PARP11: variants seen among roughly 807,000 people sequenced by gnomAD.
The protein encoded by PARP11 is protein mono-ADP-ribosyltransferase PARP11.
Under a neutral mutation model 42.9 loss-of-function variants are expected in PARP11, and 31 were observed. The ratio of observed to expected loss-of-function variants is 0.72; its 90% CI spans 0.54 to 0.98. The LOEUF (loss-of-function observed/expected upper bound fraction) is 0.98. Among genes scored for constraint, PARP11 ranks in the 50% least tolerant of loss-of-function variants. PARP11 has a pLI of 0.00. For synonymous variants in PARP11, 137 were observed against 127.3 expected (o/e 1.08, Z -0.51); for missense variants, 365 against 413.1 (o/e 0.88, Z 1.01).
At chr12:3,856,008 C>T (rs1229799798) in intron 1 of PARP11, among the ~76,000 whole-genome samples, 2 of 152,016 alleles carry the variant, frequency 1.3e-5, no homozygotes, top group African/African-American at 4.8e-5. Flanking sequence ...CTTTGACAAA[C>T]CTGACAAAAA....
chr12:3,836,024 T>TAC (rs773407266), intron 1 of PARP11, among the ~76,000 whole-genome samples: 9 of 151,600 alleles, frequency 5.9e-5, no homozygotes, highest in African/African-American at 1.2e-4. Flanking sequence ...TATATATATA[T>TAC]ACACACACAC....
At chr12:3,829,592 G>A (rs577292489) in intron 2 of PARP11, among the ~76,000 whole-genome samples, 1 of 152,278 alleles carries the variant, frequency 6.6e-6, no homozygotes, top group South Asian at 2.1e-4. Flanking sequence ...ATACGGATTT[G>A]TTCTTCCCTT....
At chr12:3,841,368 CA>C (rs774473886) in intron 1 of PARP11, 29 of 1,306,480 alleles carry the variant, frequency 2.2e-5, no homozygotes, top group Non-Finnish European at 3.0e-5. Flanking sequence ...TGGCAGCCTG[CA>C]GGATGTACCC....
intron 1 of PARP11, chr12:3,832,006 G>T: frequency 3.6e-6 from 1 of 274,642 alleles, no homozygotes; most frequent in Non-Finnish European, 5.5e-6. Flanking sequence ...AAAAATATTT[G>T]CCTTACGAGT....
At chr12:3,869,276 T>C (rs899478312) in intron 1 of PARP11, among the ~76,000 whole-genome samples, 5 of 152,230 alleles carry the variant, frequency 3.3e-5, no homozygotes, top group African/African-American at 9.7e-5. Flanking sequence ...TGGATATCTT[T>C]AGGAGGCCAT....
In PARP11 at chr12:3,873,268, G is replaced by A; in HGVS notation, c.-39C>T. On this transcript the variant is annotated 5_prime_UTR_variant, in exon 1 of 8. Coordinates refer to ENST00000228820, the MANE Select transcript of PARP11 (RefSeq NM_020367.6). Reference sequence around the variant, plus strand: ...TCGAGCGGAGAGAGCCTGTGGGAAGGGGCTAGCCGCGGGGCCTGGGTGTTG... The same window carrying A: ...TCGAGCGGAGAGAGCCTGTGGGAAGAGGCTAGCCGCGGGGCCTGGGTGTTG... 1 of 1,549,950 alleles carries A rather than the reference G, an allele frequency of 6.5e-7. No individual in the cohort carries two copies. The highest frequency in any genetic ancestry group is 8.7e-7 in the Non-Finnish European group (1 of 1,145,782).
intron 1 of PARP11, chr12:3,842,385 G>A (rs1431589412): frequency 6.2e-7 from 1 of 1,600,172 alleles, no homozygotes. Context: ...GAAGTGAGGA[G>A]TCCTGGAAAG....
At chr12:3,822,480 T>TC (rs1947418463) in intron 4 of PARP11, among the ~76,000 whole-genome samples, 1 of 146,074 alleles carries the variant, frequency 6.8e-6, no homozygotes. Flanking sequence ...GCGCCTGTAG[T>TC]CCCAGCTACT....
At chr12:3,858,015 G>A (rs1187156164) in intron 1 of PARP11, among the ~76,000 whole-genome samples, 6 of 152,122 alleles carry the variant, frequency 3.9e-5, no homozygotes, top group South Asian at 4.1e-4. Context: ...GCCAACACTC[G>A]GAAAACAATG....
chr12:3,809,624 A>G lies in PARP11; in HGVS notation c.*2499T>C, dbSNP rs754347469. 1 of 152,248 alleles carries G rather than the reference A, an allele frequency of 6.6e-6. No individual in the cohort carries two copies. Among genetic ancestry groups the G allele is most frequent in the Non-Finnish European group, 1.5e-5 (1 of 68,048 alleles). 9.4% of individuals were successfully genotyped at this position (152,248 alleles called of 1,614,324 possible). A position where few individuals can be genotyped will look rare whatever the true frequency, so the allele number is the denominator to read the frequency against. On this transcript the variant is annotated 3_prime_UTR_variant, in exon 8 of 8. Transcript: ENST00000228820. ...CATTCAAGTGCTGAGAGAGCTATGC[A>G]TATAAAACTTGAAAAAAGATAGCCA...
chr12:3,843,810 A>ACAT (rs1468996536), intron 1 of PARP11, among the ~76,000 whole-genome samples: 2 of 152,216 alleles, frequency 1.3e-5, no homozygotes, highest in Non-Finnish European at 2.9e-5. Context: ...CCTTATTTGT[A>ACAT]CATACCAATG....
rs1948290506 is a variant in PARP11 at position 3,861,511 on chromosome 12, A to G, written c.18+11701T>C. Among the ~76,000 whole-genome samples, 1 of 152,144 alleles carries G rather than the reference A, an allele frequency of 6.6e-6. No individual in the cohort carries two copies. The highest frequency in any genetic ancestry group is 6.5e-5 in the Admixed American group (1 of 15,268). On this transcript the variant is annotated intron_variant, in intron 1 of 7. Transcript: ENST00000228820. The surrounding 1 kb of genome is among the most constrained non-coding windows in gnomAD (Gnocchi z 4.6). The stretch of plus-strand genomic sequence containing the variant: ...TCTATTCATATCTTTAGCTCACTTT[A>G]AAAAATTGAGTTCCTTCTCTTGAGA...
intron 1 of PARP11, among the ~76,000 whole-genome samples, chr12:3,857,952 G>T (rs1307507176): frequency 6.6e-6 from 1 of 152,180 alleles, no homozygotes; most frequent in East Asian, 1.9e-4. Context: ...AGAGATAAGG[G>T]TGTAGAAAGT....
At chr12:3,842,811 T>C (rs1947920524) in intron 1 of PARP11, among the ~76,000 whole-genome samples, 1 of 152,220 alleles carries the variant, frequency 6.6e-6, no homozygotes, top group South Asian at 2.1e-4. Context: ...TAAAACATTA[T>C]AGATTTAGTG....
Position 3,873,201 on chromosome 12 carries a change from C to G in PARP11, c.18+11G>C. The G allele has an allele frequency of 6.5e-7, 1 of 1,548,384 alleles. No homozygotes were observed. Among genetic ancestry groups the G allele is most frequent in the Non-Finnish European group, 8.7e-7 (1 of 1,145,700 alleles). On this transcript the variant is annotated intron_variant, in intron 1 of 7. Transcript: ENST00000228820. ...CCCCCTGGGCCCGCCCCGTCCCGCC[C>G]GGCTACTCACTGGATTCGCTTCCCA...
chr12:3,838,854 G>A (rs1947820960), intron 1 of PARP11, among the ~76,000 whole-genome samples: 1 of 152,292 alleles, frequency 6.6e-6, no homozygotes, highest in South Asian at 2.1e-4. Context: ...GGGAGCGCGC[G>A]GGGGACGCAG....
intron 1 of PARP11, among the ~76,000 whole-genome samples, chr12:3,849,660 G>A (rs577417985): frequency 6.6e-6 from 1 of 152,202 alleles, no homozygotes; most frequent in East Asian, 1.9e-4. Flanking sequence ...AAGGGCAGGG[G>A]GAGAGACTGA....
intron 1 of PARP11, among the ~76,000 whole-genome samples, chr12:3,835,632 C>T (rs1947745651): frequency 6.6e-6 from 1 of 152,056 alleles, no homozygotes; most frequent in African/African-American, 2.4e-5. Flanking sequence ...CTTTGCTTAA[C>T]AGGTTAAGGG....
chr12:3,868,146 A>G (rs1471532497), intron 1 of PARP11, among the ~76,000 whole-genome samples: 3 of 152,192 alleles, frequency 2.0e-5, no homozygotes, highest in Non-Finnish European at 4.4e-5. Context: ...ATGATAATAA[A>G]AACATTAATT....
Sources: gnomAD v4.1 joint callset for allele counts (sites outside exome capture counted in the v4.1 genomes callset) on GRCh38, gnomAD v4.1.1 for gene constraint, Gnocchi (gnomAD v3.1) non-coding constraint, MANE v1.5 for transcripts, NCBI Gene and HGNC (gene_info 2026-07-23, HGNC 2026-07-21) for gene names.